The following SEPTIN7 variants were observed in gnomAD, a reference collection of about 807,000 sequenced individuals.
SEPTIN7 encodes septin-7.
SEPTIN7 carries 10 observed loss-of-function variants against 63.3 expected under a neutral mutation model. The ratio of observed to expected loss-of-function variants is 0.16; its 90% CI spans 0.10 to 0.27. The LOEUF is 0.27. SEPTIN7 is among the 10% of genes least tolerant of loss of function. The pLI, the probability that SEPTIN7 is intolerant of heterozygous loss-of-function variation, is 1.00. For missense variants in SEPTIN7, 310 were observed against 521.0 expected (o/e 0.59, Z 3.94); for synonymous variants, 131 against 165.3 (o/e 0.79, Z 1.59).
chr7:35,915,645 GGTCCTGGCTTCCT>G, the SEPTIN7 span, among the ~76,000 whole-genome samples: 4 of 152,116 alleles, frequency 2.6e-5, no homozygotes, highest in Middle Eastern at 3.2e-3. Context: ...TCTCCTTCCA[GGTCCTGGCTTCCT>G]GTCCTGGCCA....
Position 35,801,390 on chromosome 7 carries a change from GAGC to G in SEPTIN7, c.61+121_61+123del, listed in dbSNP as rs1787956827. 3 of 1,291,772 alleles carry G rather than the reference GAGC, an allele frequency of 2.3e-6. No homozygotes were observed. In the South Asian group the frequency reaches 4.5e-5, roughly 20 times the overall value. The allele number at this position is 1,291,772 out of a possible 1,614,324, so 80.0% of individuals were successfully genotyped here. A position where few individuals can be genotyped will look rare whatever the true frequency, so the allele number is the denominator to read the frequency against. ...GGCGAGGCGGAGGCAGCGGCGAGGG[GAGC>G]CGGGATGGGGGCCACTGCGGGCCCG... On this transcript the variant is annotated intron_variant, in intron 1 of 13. Coordinates refer to ENST00000350320, the MANE Select transcript of SEPTIN7 (RefSeq NM_001788.6).
Position 35,813,671 on chromosome 7 carries a change from G to A in SEPTIN7, c.61+12401G>A, listed in dbSNP as rs546754701. Among the ~76,000 whole-genome samples the A allele has an allele frequency of 5.9e-5, 9 of 152,180 alleles. No homozygotes were observed. The East Asian group carries it at 1.4e-3, about 23-fold the overall frequency. ...ATTACAGGAGTAAGCCACTGCACTC[G>A]GCCAATATTAGTATTCTTGCTTCTG... On this transcript the variant is annotated intron_variant, in intron 1 of 13. Transcript: ENST00000350320.
chr7:35,908,547 A>G (rs1223227212), downstream of SEPTIN7, among the ~76,000 whole-genome samples: 1 of 152,154 alleles, frequency 6.6e-6, no homozygotes, highest in Admixed American at 6.5e-5. Context: ...AATGCCACTC[A>G]GGCTTTCTGA....
intron 3 of SEPTIN7, among the ~76,000 whole-genome samples, chr7:35,843,166 A>C (rs1291877360): frequency 1.3e-5 from 2 of 152,156 alleles, no homozygotes; most frequent in African/African-American, 4.8e-5. Context: ...AATATTAGGG[A>C]AGAACCAGAG....
chr7:35,851,308 A>T (rs1286938541), intron 3 of SEPTIN7, among the ~76,000 whole-genome samples: 3 of 152,132 alleles, frequency 2.0e-5, no homozygotes, highest in Non-Finnish European at 4.4e-5. Flanking sequence ...TTGTTTTAAT[A>T]AGGACAAAAA....
At chr7:35,845,232 A>G (rs1213220920) in intron 3 of SEPTIN7, among the ~76,000 whole-genome samples, 1 of 152,086 alleles carries the variant, frequency 6.6e-6, no homozygotes, top group Admixed American at 6.5e-5. Flanking sequence ...TACTACATAT[A>G]TATATTATAT....
At chr7:35,853,411 T>C (rs1785056824) in intron 3 of SEPTIN7, among the ~76,000 whole-genome samples, 3 of 152,078 alleles carry the variant, frequency 2.0e-5, no homozygotes, top group Admixed American at 2.0e-4. Flanking sequence ...CACGACAGAG[T>C]GAGACTCTCC....
intron 5 of SEPTIN7, 65 bp downstream of exon 5, chr7:35,872,831 C>T: frequency 3.7e-6 from 4 of 1,081,652 alleles, no homozygotes; most frequent in Non-Finnish European, 5.7e-6. Context: ...TAAACTTTTT[C>T]TTCTTAACAT....
chr7:35,871,459 A>G (rs1786144536), intron 4 of SEPTIN7, among the ~76,000 whole-genome samples: 1 of 152,234 alleles, frequency 6.6e-6, no homozygotes. Flanking sequence ...CTAAGTAGCC[A>G]CATGGACAAG....
At chr7:35,802,584 TA>T (rs1285737674) in intron 1 of SEPTIN7, among the ~76,000 whole-genome samples, 2 of 152,250 alleles carry the variant, frequency 1.3e-5, no homozygotes, top group Admixed American at 6.5e-5. Flanking sequence ...TTTACATATT[TA>T]TGCACATGCA....
chr7:35,855,132 A>AT lies in SEPTIN7; in HGVS notation c.170-8412dup, dbSNP rs558253128. Among the ~76,000 whole-genome samples, 742 of 151,828 alleles carry AT rather than the reference A, an allele frequency of 4.9e-3. 7 individuals carry two copies. The highest frequency in any genetic ancestry group is 0.017 in the African/African-American group (703 of 41,416). On this transcript the variant is annotated intron_variant, in intron 3 of 13. Transcript: ENST00000350320. ...ATATACACCAGGCATTCCTACGTCA[A>AT]TTTTTTTTGTGTGTGTAAACAGTAC...
chr7:35,801,886 C>G (rs1359601429), intron 1 of SEPTIN7, among the ~76,000 whole-genome samples: 2 of 152,136 alleles, frequency 1.3e-5, no homozygotes, highest in Non-Finnish European at 2.9e-5. Context: ...CGTCGCCTCC[C>G]CGCTCCTCCT....
intron 4 of SEPTIN7, among the ~76,000 whole-genome samples, chr7:35,867,178 T>C (rs185041951): frequency 6.6e-6 from 1 of 152,246 alleles, no homozygotes; most frequent in Non-Finnish European, 1.5e-5. Context: ...TTCCAAAAGA[T>C]TGATGAAAAT....
chr7:35,863,793 G>T, intron 4 of SEPTIN7, 135 bp downstream of exon 4: 1 of 477,810 alleles, frequency 2.1e-6, no homozygotes, highest in South Asian at 4.0e-5. Context: ...TGGTAAATAT[G>T]ACTTCATAAA....
intron 4 of SEPTIN7, 30 bp downstream of exon 4, chr7:35,863,688 G>A (rs17397155): frequency 0.059 from 67,419 of 1,141,942 alleles, 2,840 homozygotes; most frequent in South Asian, 0.17. Context: ...TAATTGATAA[G>A]CTGGAATAAT....
At chr7:35,893,469 C>T (rs560161963) in intron 11 of SEPTIN7, among the ~76,000 whole-genome samples, 18 of 152,024 alleles carry the variant, frequency 1.2e-4, no homozygotes, top group African/African-American at 4.1e-4. Context: ...AGTCAATGAC[C>T]GACTGCATAT....
intron 1 of SEPTIN7, among the ~76,000 whole-genome samples, chr7:35,829,882 A>G (rs180792391): frequency 4.6e-5 from 7 of 152,156 alleles, no homozygotes; most frequent in Non-Finnish European, 1.0e-4. Flanking sequence ...TGAAGGTGAC[A>G]TTTGAGTAAT....
intron 1 of SEPTIN7, 22 bp downstream of exon 1, chr7:35,801,292 C>G (rs1274980637): frequency 1.3e-6 from 2 of 1,517,610 alleles, no homozygotes; most frequent in Non-Finnish European, 1.8e-6. Context: ...CTTCGGGTGC[C>G]GCGACTTGGG....
At chr7:35,865,406 T>C (rs2116167179) in intron 4 of SEPTIN7, among the ~76,000 whole-genome samples, 1 of 152,302 alleles carries the variant, frequency 6.6e-6, no homozygotes, top group African/African-American at 2.4e-5. Flanking sequence ...TATACTTTTT[T>C]ATATCTGTTT....
Sources: gnomAD v4.1 joint callset for allele counts (sites outside exome capture counted in the v4.1 genomes callset) on GRCh38, gnomAD v4.1.1 for gene constraint, MANE v1.5 for transcripts, NCBI Gene and HGNC (gene_info 2026-07-23, HGNC 2026-07-21) for gene names.